Variants in KAZN observed in about 807,000 individuals in gnomAD.
KAZN encodes kazrin.
KAZN carries 40 observed loss-of-function variants against 87.4 expected under a neutral mutation model. The observed-to-expected ratio is 0.46, with a 90% CI of 0.36 to 0.60. KAZN has a LOEUF of 0.60. Ranked by LOEUF, KAZN falls within the 20% of genes least tolerant of loss-of-function variation. The pLI is 0.00. For missense variants in KAZN, 898 were observed against 1,073.9 expected (o/e 0.84, Z 2.29); for synonymous variants, 466 against 458.3 (o/e 1.02, Z -0.22).
intron 2 of KAZN, among the ~76,000 whole-genome samples, chr1:14,485,871 C>T (rs988178350): frequency 2.3e-4 from 33 of 143,772 alleles, no homozygotes; most frequent in East Asian, 1.0e-3. Context: ...CCAGCCTGGG[C>T]GACAGAGCGA....
chr1:13,945,634 A>G (rs1641111580), intron 1 of KAZN, among the ~76,000 whole-genome samples: 1 of 150,670 alleles, frequency 6.6e-6, no homozygotes, highest in Non-Finnish European at 1.5e-5. Context: ...ATTTTAACAC[A>G]GCTGTTCCAT....
intron 2 of KAZN, among the ~76,000 whole-genome samples, chr1:14,388,081 G>A (rs1217948606): frequency 2.0e-5 from 3 of 152,142 alleles, no homozygotes; most frequent in Non-Finnish European, 4.4e-5. Context: ...GATTTTCCAG[G>A]TGCCGTCTGT....
intron 2 of KAZN, among the ~76,000 whole-genome samples, chr1:14,258,856 GAGA>G (rs1452457329): frequency 5.3e-5 from 8 of 152,302 alleles, no homozygotes; most frequent in African/African-American, 1.9e-4. Flanking sequence ...ATAGAAGTAA[GAGA>G]AGCTCACCTT....
intron 1 of KAZN, among the ~76,000 whole-genome samples, chr1:14,714,786 C>CTTTT (rs1307881138): frequency 1.5e-5 from 2 of 131,168 alleles, no homozygotes; most frequent in African/African-American, 5.8e-5. Flanking sequence ...TTTTCTTTTT[C>CTTTT]TTTTTTTTTT....
chr1:14,989,179 A>G (rs1667111771), intron 2 of KAZN, among the ~76,000 whole-genome samples: 1 of 152,126 alleles, frequency 6.6e-6, no homozygotes, highest in African/African-American at 2.4e-5. Context: ...TCATCTTTGT[A>G]CTTTAGAAAA....
chr1:14,957,716 G>T (rs919416203), intron 1 of KAZN, among the ~76,000 whole-genome samples: 1 of 152,198 alleles, frequency 6.6e-6, no homozygotes, highest in African/African-American at 2.4e-5. Flanking sequence ...ACAGCTCTGC[G>T]GAGGCCCTGA....
intron 1 of KAZN, among the ~76,000 whole-genome samples, chr1:14,674,527 G>A (rs1326372560): frequency 6.6e-6 from 1 of 152,194 alleles, no homozygotes; most frequent in African/African-American, 2.4e-5. Flanking sequence ...ACCTTCCCCA[G>A]GTAGATTTTA....
intron 1 of KAZN, among the ~76,000 whole-genome samples, chr1:14,612,233 A>G (rs1677880466): frequency 6.6e-6 from 1 of 152,140 alleles, no homozygotes; most frequent in Admixed American, 6.5e-5. Flanking sequence ...AGGAGAGGAG[A>G]CACTTGCTGC....
chr1:14,199,882 A>G (rs1646603741), intron 2 of KAZN, among the ~76,000 whole-genome samples: 1 of 152,058 alleles, frequency 6.6e-6, no homozygotes, highest in Non-Finnish European at 1.5e-5. Context: ...CTGATAGGAC[A>G]GATTATAAAT....
At chr1:14,287,941 T>C (rs1414031837) in intron 2 of KAZN, among the ~76,000 whole-genome samples, 1 of 152,024 alleles carries the variant, frequency 6.6e-6, no homozygotes, top group African/African-American at 2.4e-5. Context: ...GATAATCATG[T>C]GGTTTTTGTT....
intron 1 of KAZN, among the ~76,000 whole-genome samples, chr1:14,896,089 T>C (rs1168289721): frequency 1.4e-5 from 2 of 147,648 alleles, no homozygotes; most frequent in Non-Finnish European, 3.0e-5. Flanking sequence ...AGATTCTTGC[T>C]CTGTTGCTAG....
chr1:14,699,326 T>C (rs1041659128), intron 1 of KAZN, among the ~76,000 whole-genome samples: 10 of 152,266 alleles, frequency 6.6e-5, no homozygotes, highest in African/African-American at 2.2e-4. Flanking sequence ...AGGTTCTGTT[T>C]TCCCATGGAG....
chr1:14,648,613 G>A (rs1243617297), intron 1 of KAZN, among the ~76,000 whole-genome samples: 1 of 152,160 alleles, frequency 6.6e-6, no homozygotes, highest in Non-Finnish European at 1.5e-5. Context: ...GTTGTAATAA[G>A]GAGGGATTGG....
Position 14,466,181 on chromosome 1 carries a change from T to C in KAZN, c.250-132802T>C, listed in dbSNP as rs114408333. 6.8e-3 allele frequency among the ~76,000 whole-genome samples: 1,037 copies of C among 152,274 alleles called. 13 individuals carry two copies. The highest frequency in any genetic ancestry group is 0.024 in the African/African-American group (982 of 41,542). Reference sequence around the variant, plus strand: ...AACACATGACTACACAAGAATTATGTCCCTGCCGCCAAAAGCAGAAAGACA... The same window carrying C: ...AACACATGACTACACAAGAATTATGCCCCTGCCGCCAAAAGCAGAAAGACA... On this transcript the variant is annotated intron_variant, in intron 2 of 16. Transcript: ENST00000636203.
At chr1:14,824,926 A>T (rs1646840854) in intron 1 of KAZN, among the ~76,000 whole-genome samples, 1 of 152,248 alleles carries the variant, frequency 6.6e-6, no homozygotes, top group African/African-American at 2.4e-5. Context: ...TCTTGGGGGA[A>T]GACTCTTCTG....
chr1:14,801,442 G>T (rs1004702119), intron 1 of KAZN, among the ~76,000 whole-genome samples: 1 of 152,116 alleles, frequency 6.6e-6, no homozygotes, highest in Non-Finnish European at 1.5e-5. Flanking sequence ...GAGTGGCTGG[G>T]TCCCTTCTCC....
intron 1 of KAZN, among the ~76,000 whole-genome samples, chr1:14,162,964 A>G (rs928193218): frequency 1.3e-5 from 2 of 152,058 alleles, no homozygotes; most frequent in African/African-American, 4.8e-5. Context: ...AAAACCAGTA[A>G]ATCTTGGCTT....
intron 1 of KAZN, among the ~76,000 whole-genome samples, chr1:14,906,779 A>G (rs1464960452): frequency 6.7e-6 from 1 of 149,778 alleles, no homozygotes; most frequent in South Asian, 2.2e-4. Flanking sequence ...GGTGGGGGAA[A>G]AAAACCACCC....
At chr1:14,233,400 G>A (rs1027963520) in intron 2 of KAZN, among the ~76,000 whole-genome samples, 14 of 152,234 alleles carry the variant, frequency 9.2e-5, no homozygotes, top group East Asian at 1.9e-4. Context: ...CTCCCAAAGC[G>A]CTGGGATTGC....
Sources: gnomAD v4.1 joint callset for allele counts (sites outside exome capture counted in the v4.1 genomes callset) on GRCh38, gnomAD v4.1.1 for gene constraint, MANE v1.5 for transcripts, NCBI Gene and HGNC (gene_info 2026-07-23, HGNC 2026-07-21) for gene names.